Variants in SCARA3 observed in about 807,000 individuals in gnomAD.
SCARA3 encodes cellular stress response gene protein.
Under a neutral mutation model 47.0 loss-of-function variants are expected in SCARA3, and 39 were observed. The ratio of observed to expected loss-of-function variants is 0.83; its 90% CI spans 0.64 to 1.08. The LOEUF (loss-of-function observed/expected upper bound fraction) is 1.08, where lower values mean the gene tolerates loss of function less well. SCARA3 is among the 50% of genes least tolerant of loss of function. The pLI is 0.00. For missense variants in SCARA3, 724 were observed against 792.3 expected, an observed-to-expected ratio of 0.91 and a Z score of 1.04; for synonymous variants, 356 against 334.1, an observed-to-expected ratio of 1.07 and a Z score of -0.71.
chr8:27,656,545 T>C (rs1801747406), intron 3 of SCARA3, among the ~76,000 whole-genome samples: 2 of 152,208 alleles, frequency 1.3e-5, no homozygotes, highest in South Asian at 4.1e-4. Flanking sequence ...TTCCATTCTG[T>C]GATCAGGTCC....
the SCARA3 span, among the ~76,000 whole-genome samples, chr8:27,713,417 C>G: frequency 1.5e-4 from 23 of 152,178 alleles, no homozygotes; most frequent in Non-Finnish European, 1.5e-5. Context: ...TAGAGTAACT[C>G]TTTCCTCTTG....
the SCARA3 span, among the ~76,000 whole-genome samples, chr8:27,709,503 G>T: frequency 6.6e-6 from 1 of 152,190 alleles, no homozygotes; most frequent in Non-Finnish European, 1.5e-5. Flanking sequence ...CATGTGTTTG[G>T]GTAGTAGTGT....
chr8:27,704,188 A>G, the SCARA3 span, among the ~76,000 whole-genome samples: 3 of 152,172 alleles, frequency 2.0e-5, no homozygotes, highest in Admixed American at 1.3e-4. Context: ...GCTCATGCCT[A>G]TAATTCCAGT....
At chr8:27,668,019 C>T (rs1001991619) in intron 5 of SCARA3, among the ~76,000 whole-genome samples, 5 of 152,174 alleles carry the variant, frequency 3.3e-5, no homozygotes, top group African/African-American at 1.2e-4. Flanking sequence ...GGAGGGAACC[C>T]TTCTCCCTGC....
At chr8:27,682,471 G>A in the SCARA3 span, among the ~76,000 whole-genome samples, 2 of 152,110 alleles carry the variant, frequency 1.3e-5, no homozygotes, top group South Asian at 2.1e-4. Flanking sequence ...AAATGATAAG[G>A]TATGTTACAC....
chr8:27,657,190 A>C (rs1271901926), intron 4 of SCARA3, among the ~76,000 whole-genome samples: 2 of 152,146 alleles, frequency 1.3e-5, no homozygotes, highest in Non-Finnish European at 2.9e-5. Context: ...AAATGATGAG[A>C]GTTTCAAGAC....
chr8:27,667,349 G>A (rs1802037786), intron 5 of SCARA3, among the ~76,000 whole-genome samples: 1 of 152,178 alleles, frequency 6.6e-6, no homozygotes, highest in African/African-American at 2.4e-5. Flanking sequence ...CTCACTCAGT[G>A]GGGACCCCAA....
At chr8:27,636,891 G>A (rs531440461) in intron 1 of SCARA3, among the ~76,000 whole-genome samples, 14 of 152,160 alleles carry the variant, frequency 9.2e-5, no homozygotes, top group Non-Finnish European at 1.6e-4. Flanking sequence ...GGATCTGTGG[G>A]GTGTAAAGAA....
At position 27,656,893 on chromosome 8, in the gene SCARA3, G is replaced by C. The variant is rs752880654; in HGVS notation, c.325+13G>C. On this transcript the variant is annotated intron_variant, in intron 4 of 5. Coordinates refer to ENST00000301904, the MANE Select transcript of SCARA3 (RefSeq NM_016240.3). ...CTCCAGGGCCTGGGTAAGTAGATGG[G>C]CTGATGACTGTGATGCAGTGATCTT... The C allele has an allele frequency of 1.2e-5, 18 of 1,510,344 alleles. No individual in the cohort carries two copies. In the South Asian group the frequency reaches 2.0e-4, roughly 17 times the overall value. 93.6% of individuals were successfully genotyped at this position (1,510,344 alleles called of 1,614,324 possible).
intron 2 of SCARA3, 92 bp from the exon 3 acceptor site, chr8:27,651,416 T>G: frequency 1.3e-4 from 192 of 1,463,234 alleles, no homozygotes; most frequent in Middle Eastern, 2.5e-4. Context: ...TTGAATGTGA[T>G]GAGACAGACC....
rs982061577 is a variant in SCARA3, at chr8:27,671,572, A to G, written c.*221A>G. ...TGTGCACATGCACACACATGCATGC[A>G]CACACATGCACACATACACGCACAT... is the stretch of plus-strand genomic sequence containing the variant. On this transcript the variant is annotated 3_prime_UTR_variant, in exon 6 of 6. Coordinates refer to ENST00000301904, the MANE Select transcript of SCARA3 (RefSeq NM_016240.3). 9 of 1,262,464 alleles carry G rather than the reference A, an allele frequency of 7.1e-6. No homozygotes were observed. The highest frequency in any genetic ancestry group is 1.6e-5 in the African/African-American group (1 of 64,498). 78.2% of individuals were successfully genotyped at this position (1,262,464 alleles called of 1,614,324 possible).
chr8:27,650,816 T>G (rs775915372), intron 2 of SCARA3, among the ~76,000 whole-genome samples: 1 of 152,150 alleles, frequency 6.6e-6, no homozygotes, highest in Non-Finnish European at 1.5e-5. Context: ...CCTGAAAAGT[T>G]TGGGGACTGG....
intron 3 of SCARA3, 102 bp downstream of exon 3, chr8:27,651,729 C>A: frequency 6.8e-7 from 1 of 1,465,152 alleles, no homozygotes; most frequent in Non-Finnish European, 9.3e-7. Flanking sequence ...CATCTGTATC[C>A]CAGGGCCCAG....
intron 1 of SCARA3, among the ~76,000 whole-genome samples, chr8:27,649,453 G>T (rs750641413): frequency 4.6e-5 from 7 of 152,224 alleles, no homozygotes; most frequent in Admixed American, 1.3e-4. Context: ...CACTGAGGTG[G>T]CCCATGTGTC....
the SCARA3 span, among the ~76,000 whole-genome samples, chr8:27,728,656 T>C: frequency 6.6e-6 from 1 of 152,154 alleles, no homozygotes; most frequent in Non-Finnish European, 1.5e-5. Flanking sequence ...AGTTCTGAAT[T>C]ATATGTGAGA....
chr8:27,711,472 C>T, the SCARA3 span, among the ~76,000 whole-genome samples: 1 of 152,168 alleles, frequency 6.6e-6, no homozygotes, highest in African/African-American at 2.4e-5. Context: ...CCATAGTTCC[C>T]TGGCTTTCTG....
the SCARA3 span, among the ~76,000 whole-genome samples, chr8:27,711,823 G>C: frequency 6.6e-6 from 1 of 152,050 alleles, no homozygotes; most frequent in Admixed American, 6.6e-5. Context: ...TATACTCCCT[G>C]CCCCGACATA....
At chr8:27,633,579 A>T (rs1033120569), upstream of SCARA3, among the ~76,000 whole-genome samples, 1 of 151,778 alleles carries the variant, frequency 6.6e-6, no homozygotes, top group African/African-American at 2.4e-5. Flanking sequence ...AAATGGACTA[A>T]GATCAAGGAG....
At chr8:27,647,394 C>A (rs1447573140) in intron 1 of SCARA3, among the ~76,000 whole-genome samples, 1 of 152,148 alleles carries the variant, frequency 6.6e-6, no homozygotes, top group African/African-American at 2.4e-5. Context: ...CTTTGTCGCC[C>A]CAGATTAATT....
Sources: gnomAD v4.1 joint callset for allele counts (sites outside exome capture counted in the v4.1 genomes callset) on GRCh38, gnomAD v4.1.1 for gene constraint, MANE v1.5 for transcripts, NCBI Gene and HGNC (gene_info 2026-07-23, HGNC 2026-07-21) for gene names.